CREB5: variants seen among roughly 807,000 people sequenced by gnomAD.
CREB5 encodes the protein cAMP responsive element binding protein 5.
In CREB5, 19 loss-of-function variants were observed where a neutral mutation model predicts 57.1. That is an observed-to-expected ratio of 0.33 (90% CI 0.23 to 0.49). The LOEUF (loss-of-function observed/expected upper bound fraction) is 0.49. Among genes scored for constraint, CREB5 ranks in the 20% least tolerant of loss-of-function variants. The pLI is 0.99. For missense variants in CREB5, 579 were observed against 671.6 expected, an observed-to-expected ratio of 0.86 and a Z score of 1.52; for synonymous variants, 238 against 238.3, an observed-to-expected ratio of 1.00 and a Z score of 0.01.
chr7:28,332,480 C>T (rs1477772342), intron 1 of CREB5, among the ~76,000 whole-genome samples: 3 of 152,076 alleles, frequency 2.0e-5, no homozygotes, highest in African/African-American at 4.8e-5. Context: ...GTTACGTTTG[C>T]GTGGTAGAAA....
intron 5 of CREB5, among the ~76,000 whole-genome samples, chr7:28,602,386 C>A (rs1333835858): frequency 6.6e-6 from 1 of 152,164 alleles, no homozygotes; most frequent in Non-Finnish European, 1.5e-5. Flanking sequence ...CTCGGCCTCC[C>A]AAAGTGCTGG....
At chr7:28,312,450 C>T (rs749012691) in intron 1 of CREB5, among the ~76,000 whole-genome samples, 37 of 152,170 alleles carry the variant, frequency 2.4e-4, no homozygotes, top group African/African-American at 9.7e-5. Flanking sequence ...GTGACAAGAC[C>T]GGTGCAGCCA....
intron 1 of CREB5, among the ~76,000 whole-genome samples, chr7:28,477,484 C>A (rs1251116648): frequency 1.3e-5 from 2 of 152,218 alleles, no homozygotes. Context: ...ATCACAGGGG[C>A]ATTTAAAGAA....
chr7:28,707,123 A>G lies in CREB5; in HGVS notation c.465-11630A>G, dbSNP rs974123135. 5.3e-5 allele frequency among the ~76,000 whole-genome samples: 8 copies of G among 152,208 alleles called. No individual in the cohort carries two copies. The East Asian group carries it at 1.5e-3, about 29-fold the overall frequency. On this transcript the variant is annotated intron_variant, in intron 5 of 10. Transcript: ENST00000357727. ...GATAACTGGGGACTCACAGTAATGG[A>G]GGAGACACCCATACCCCTCGGAGAG...
At chr7:28,371,969 A>G (rs1583404387) in intron 1 of CREB5, among the ~76,000 whole-genome samples, 1 of 152,142 alleles carries the variant, frequency 6.6e-6, no homozygotes, top group Non-Finnish European at 1.5e-5. Flanking sequence ...TTAAGATATC[A>G]GTTATTCAAA....
chr7:28,480,464 G>A (rs751562677), intron 1 of CREB5, among the ~76,000 whole-genome samples: 22 of 152,240 alleles, frequency 1.4e-4, no homozygotes, highest in Admixed American at 4.6e-4. Flanking sequence ...TGACAGGGTC[G>A]ACCTAAACCT....
At chr7:28,589,774 G>A (rs1583673080) in intron 5 of CREB5, among the ~76,000 whole-genome samples, 1 of 122,766 alleles carries the variant, frequency 8.1e-6, no homozygotes, top group East Asian at 2.8e-4. Context: ...TAGGTAGTGA[G>A]TATTCCATTT....
chr7:28,491,834 A>T (rs192772802), intron 2 of CREB5, among the ~76,000 whole-genome samples: 2 of 152,330 alleles, frequency 1.3e-5, no homozygotes, highest in Admixed American at 1.3e-4. Flanking sequence ...TGCATGGAGA[A>T]GACAGGATGA....
intron 4 of CREB5, among the ~76,000 whole-genome samples, chr7:28,551,101 T>G (rs964371603): frequency 6.6e-6 from 1 of 152,004 alleles, no homozygotes; most frequent in South Asian, 2.1e-4. Flanking sequence ...GTGAAGTTGA[T>G]GATTACCAGT....
intron 1 of CREB5, among the ~76,000 whole-genome samples, chr7:28,391,738 A>G (rs1202107700): frequency 6.6e-6 from 1 of 152,174 alleles, no homozygotes; most frequent in African/African-American, 2.4e-5. Context: ...TCAGAACAAC[A>G]AATCAATCTT....
chr7:28,431,960 A>G (rs1788730376), intron 1 of CREB5, among the ~76,000 whole-genome samples: 1 of 141,338 alleles, frequency 7.1e-6, no homozygotes, highest in Non-Finnish European at 1.5e-5. Context: ...GCAGGATTTG[A>G]GGTGACTGCA....
intron 5 of CREB5, among the ~76,000 whole-genome samples, chr7:28,580,408 A>G (rs1796072286): frequency 7.4e-6 from 1 of 135,608 alleles, no homozygotes; most frequent in Non-Finnish European, 1.6e-5. Context: ...CAACTGCTAG[A>G]TTTGTCCCAA....
chr7:28,480,357 T>C (rs564330417), intron 1 of CREB5, among the ~76,000 whole-genome samples: 5 of 152,240 alleles, frequency 3.3e-5, no homozygotes, highest in Non-Finnish European at 7.3e-5. Context: ...AGTTTTGCAC[T>C]GAATTTCGTT....
At chr7:28,689,977 A>G (rs1218723047) in intron 5 of CREB5, among the ~76,000 whole-genome samples, 1 of 151,566 alleles carries the variant, frequency 6.6e-6, no homozygotes, top group East Asian at 1.9e-4. Flanking sequence ...ACTGAGAGTC[A>G]GGCTTACCCA....
chr7:28,709,363 C>T (rs904948147), intron 5 of CREB5, among the ~76,000 whole-genome samples: 2 of 151,926 alleles, frequency 1.3e-5, no homozygotes, highest in Non-Finnish European at 2.9e-5. Context: ...CATTAGAAAC[C>T]AATCCAGCCA....
At chr7:28,816,967 A>T (rs1809476438) in intron 9 of CREB5, among the ~76,000 whole-genome samples, 1 of 152,176 alleles carries the variant, frequency 6.6e-6, no homozygotes, top group Non-Finnish European at 1.5e-5. Flanking sequence ...AGCATCTCGG[A>T]GCTACCATCT....
chr7:28,620,122 T>A (rs145584181), intron 5 of CREB5, among the ~76,000 whole-genome samples: 235 of 152,356 alleles, frequency 1.5e-3, no homozygotes, highest in Admixed American at 4.1e-3. Flanking sequence ...ACTGGGGATA[T>A]ATTTAATCTG....
At chr7:28,665,927 C>T (rs1304551356) in intron 5 of CREB5, among the ~76,000 whole-genome samples, 1 of 152,014 alleles carries the variant, frequency 6.6e-6, no homozygotes, top group Non-Finnish European at 1.5e-5. Flanking sequence ...GCTGCCGACA[C>T]CCTTAAAAAT....
chr7:28,694,830 A>C (rs1453823453), intron 5 of CREB5, among the ~76,000 whole-genome samples: 1 of 152,162 alleles, frequency 6.6e-6, no homozygotes, highest in African/African-American at 2.4e-5. Context: ...TATAGGCGTG[A>C]GCTACTTAGC....
Sources: gnomAD v4.1 joint callset for allele counts (sites outside exome capture counted in the v4.1 genomes callset) on GRCh38, gnomAD v4.1.1 for gene constraint, MANE v1.5 for transcripts, NCBI Gene and HGNC (gene_info 2026-07-23, HGNC 2026-07-21) for gene names.